The following DNAJC13 variants were observed in gnomAD, a reference collection of about 807,000 sequenced individuals.
The protein encoded by DNAJC13 is DnaJ heat shock protein family (Hsp40) member C13, also known as dnaJ homolog subfamily C member 13.
A neutral mutation model predicts 290.5 loss-of-function variants in DNAJC13; 75 were observed. The ratio of observed to expected loss-of-function variants is 0.26; its 90% CI spans 0.21 to 0.31. The LOEUF (loss-of-function observed/expected upper bound fraction) is 0.31, where lower values mean the gene tolerates loss of function less well. DNAJC13 is among the 10% of genes least tolerant of loss of function. DNAJC13 has a pLI of 1.00. For synonymous variants in DNAJC13, 862 were observed against 892.0 expected, an observed-to-expected ratio of 0.97 and a Z score of 0.60; for missense variants, 2,260 against 2,674.5, an observed-to-expected ratio of 0.85 and a Z score of 3.42.
chr3:132,431,317 A>G (rs959946125), intron 1 of DNAJC13, among the ~76,000 whole-genome samples: 5 of 152,182 alleles, frequency 3.3e-5, no homozygotes, highest in Admixed American at 3.3e-4. Flanking sequence ...TAGAATGTGG[A>G]AAGTGCTATG....
intron 41 of DNAJC13, among the ~76,000 whole-genome samples, chr3:132,504,457 C>T (rs757601124): frequency 4.6e-5 from 7 of 152,068 alleles, no homozygotes; most frequent in Non-Finnish European, 1.0e-4. Flanking sequence ...GCATTCTCTT[C>T]AGAAATGCCA....
chr3:132,434,654 C>A (rs747876962), intron 2 of DNAJC13, 36 bp downstream of exon 2: 15 of 1,520,276 alleles, frequency 9.9e-6, no homozygotes, highest in Non-Finnish European at 1.3e-5. Flanking sequence ...TTCTGTGCTT[C>A]TATAAAATAT....
intron 37 of DNAJC13, 122 bp downstream of exon 37, chr3:132,499,432 T>C: frequency 2.3e-6 from 2 of 871,440 alleles, no homozygotes; most frequent in Non-Finnish European, 3.4e-6. Context: ...GATAACACAA[T>C]ATTTTCCATA....
At chr3:132,501,664 C>T (rs528822441) in intron 39 of DNAJC13, among the ~76,000 whole-genome samples, 1 of 152,056 alleles carries the variant, frequency 6.6e-6, no homozygotes, top group East Asian at 1.9e-4. Flanking sequence ...GATCTGAGAA[C>T]TTACTATTTC....
At chr3:132,424,970 C>T (rs1939052725) in intron 1 of DNAJC13, among the ~76,000 whole-genome samples, 1 of 152,080 alleles carries the variant, frequency 6.6e-6, no homozygotes, top group African/African-American at 2.4e-5. Flanking sequence ...CCCCCATACA[C>T]AGCACATTCT....
At chr3:132,508,563 T>C (rs1454739103) in intron 43 of DNAJC13, among the ~76,000 whole-genome samples, 1 of 152,136 alleles carries the variant, frequency 6.6e-6, no homozygotes, top group Non-Finnish European at 1.5e-5. Flanking sequence ...TTCTCACTTA[T>C]AGGTAGAGGC....
chr3:132,522,839 G>A lies in DNAJC13; in HGVS notation c.5685G>A (p.Thr1895=), dbSNP rs140708088. 5.0e-6 allele frequency: 8 copies of A among 1,606,424 alleles called. No homozygotes were observed. The highest frequency in any genetic ancestry group is 3.4e-5 in the South Asian group (3 of 88,728). Reference sequence around the variant, plus strand: ...ACTTCCTCGTATAGGTTCGAATTACGTTAATGAAATTTCTACCAAGCGTTT... The same window carrying A: ...ACTTCCTCGTATAGGTTCGAATTACATTAATGAAATTTCTACCAAGCGTTT... ...DKLIGPKVRI[T]LMKFLPSVFM... Residue 1895 remains threonine, a synonymous_variant, in exon 49 of 56, where the codon ACG becomes ACA. Transcript: ENST00000260818.
intron 1 of DNAJC13, among the ~76,000 whole-genome samples, chr3:132,429,943 G>C (rs1939198224): frequency 6.6e-6 from 1 of 152,120 alleles, no homozygotes; most frequent in South Asian, 2.1e-4. Context: ...AAAATTATCA[G>C]GTGTGCAAAT....
chr3:132,450,815 T>C lies in DNAJC13; in HGVS notation c.505T>C (p.Phe169Leu), dbSNP rs1051518804. Residue 169 changes from phenylalanine to leucine, a missense_variant, in exon 6 of 56, where the codon TTT (phenylalanine) becomes CTT (leucine). Around this residue, in one of 3 missense-constraint regions of DNAJC13, gnomAD observed 762 missense variants for 964.1 expected, o/e 0.79. Transcript: ENST00000260818. The stretch of plus-strand genomic sequence containing the variant: ...AGATCTCTCAGATTATCAAGGAGGA[T>C]TTTGTATACTTTATGGAGGATTTAG... Reference protein sequence around the residue: ...FVDLSDYQGGFCILYGGFSRL... With the variant: ...FVDLSDYQGGLCILYGGFSRL... 3 of 1,593,304 alleles carry C rather than the reference T, an allele frequency of 1.9e-6. No homozygotes were observed. The highest frequency in any genetic ancestry group is 2.6e-6 in the Non-Finnish European group (3 of 1,164,276).
chr3:132,503,912 A>T (rs1314197652), intron 41 of DNAJC13, among the ~76,000 whole-genome samples: 1 of 152,176 alleles, frequency 6.6e-6, no homozygotes, highest in African/African-American at 2.4e-5. Flanking sequence ...TAATCTGAGA[A>T]TGTAGCACTA....
intron 6 of DNAJC13, 51 bp from the exon 7 acceptor site, chr3:132,453,247 C>T (rs1268873075): frequency 6.5e-7 from 1 of 1,538,914 alleles, no homozygotes; most frequent in Admixed American, 1.8e-5. Context: ...TAGCTACAGA[C>T]ACATTTCAGT....
intron 46 of DNAJC13, among the ~76,000 whole-genome samples, chr3:132,515,151 A>G (rs1935883828): frequency 6.6e-6 from 1 of 152,196 alleles, no homozygotes; most frequent in Non-Finnish European, 1.5e-5. Context: ...GCCCTAATCT[A>G]TATAATTACC....
At chr3:132,423,919 C>T (rs189330617) in intron 1 of DNAJC13, among the ~76,000 whole-genome samples, 1 of 152,124 alleles carries the variant, frequency 6.6e-6, no homozygotes, top group African/African-American at 2.4e-5. Context: ...TTTCTTTTGC[C>T]CATTTCAGGG....
intron 36 of DNAJC13, 86 bp from the exon 37 acceptor site, chr3:132,499,040 A>T: frequency 8.0e-7 from 1 of 1,256,370 alleles, no homozygotes; most frequent in Middle Eastern, 2.1e-4. Context: ...TTAAGGCAAC[A>T]TATTCTTGAA....
chr3:132,434,790 A>G (rs1473751969), intron 2 of DNAJC13, among the ~76,000 whole-genome samples, 172 bp downstream of exon 2: 1 of 152,066 alleles, frequency 6.6e-6, no homozygotes, highest in Non-Finnish European at 1.5e-5. Flanking sequence ...TTCTTTTGAC[A>G]TTTCCAGTTT....
chr3:132,533,209 C>T (rs1031267829), intron 55 of DNAJC13, among the ~76,000 whole-genome samples: 1 of 151,606 alleles, frequency 6.6e-6, no homozygotes. Context: ...GCATGTACCA[C>T]CATGCCCAGC....
intron 53 of DNAJC13, among the ~76,000 whole-genome samples, 176 bp downstream of exon 53, chr3:132,526,457 A>C (rs141729035): frequency 1.3e-5 from 2 of 152,338 alleles, no homozygotes; most frequent in Non-Finnish European, 2.9e-5. Context: ...TAGTGTGTAT[A>C]ATACGTGTGT....
chr3:132,493,690 A>G (rs1935137405), intron 33 of DNAJC13, among the ~76,000 whole-genome samples: 1 of 152,058 alleles, frequency 6.6e-6, no homozygotes, highest in Admixed American at 6.6e-5. Context: ...TAGCATACCC[A>G]TAATTATGTT....
chr3:132,432,122 G>A (rs967656462), intron 1 of DNAJC13, among the ~76,000 whole-genome samples: 2 of 152,128 alleles, frequency 1.3e-5, no homozygotes, highest in Admixed American at 1.3e-4. Flanking sequence ...TATAAAGCAA[G>A]CTTAAAGAAT....
Sources: allele counts gnomAD v4.1 joint callset (sites outside exome capture counted in the v4.1 genomes callset), GRCh38; gene constraint gnomAD v4.1.1; regional missense constraint gnomAD v4.1.1; transcripts MANE v1.5; gene names NCBI Gene and HGNC (gene_info 2026-07-23, HGNC 2026-07-21).